GRAMD1B: variants seen among roughly 807,000 people sequenced by gnomAD.
The protein encoded by GRAMD1B is protein Aster-B.
Under a neutral mutation model 99.7 loss-of-function variants are expected in GRAMD1B, and 37 were observed. That is an observed-to-expected ratio of 0.37 (90% CI 0.29 to 0.49). GRAMD1B has a LOEUF of 0.49. Ranked by LOEUF, GRAMD1B falls within the 20% of genes least tolerant of loss-of-function variation. GRAMD1B has a pLI of 0.98. For missense variants in GRAMD1B, 888 were observed against 1,009.2 expected (o/e 0.88, Z 1.63); for synonymous variants, 427 against 387.6 (o/e 1.10, Z -1.19).
chr11:123,448,851 G>T (rs1202283008), intron 1 of GRAMD1B, among the ~76,000 whole-genome samples: 1 of 152,166 alleles, frequency 6.6e-6, no homozygotes, highest in Non-Finnish European at 1.5e-5. Context: ...GCTCTCACGT[G>T]TATTACACAA....
At position 123,609,678 on chromosome 11, in the gene GRAMD1B, C is replaced by CT. The variant is rs928277685; in HGVS notation, c.1658-113dup. ...CGGCCCTCGGGCTCCCATTGGCTTC[C>CT]TTTTGGGGGCCAGGCAGTAGTAAGC... is the stretch of plus-strand genomic sequence containing the variant. On this transcript the variant is annotated intron_variant, in intron 12 of 19. Transcript: ENST00000635736. The CT allele has an allele frequency of 2.5e-5, 16 of 644,816 alleles. No individual in the cohort carries two copies. In the African/African-American group the frequency reaches 2.9e-4, roughly 12 times the overall value. 39.9% of individuals were successfully genotyped at this position (644,816 alleles called of 1,614,324 possible).
chr11:123,497,421 C>T (rs1939409223), intron 2 of GRAMD1B, among the ~76,000 whole-genome samples: 1 of 152,180 alleles, frequency 6.6e-6, no homozygotes, highest in South Asian at 2.1e-4. Context: ...CATGACCTGG[C>T]TACCATGTAA....
intron 2 of GRAMD1B, among the ~76,000 whole-genome samples, chr11:123,505,195 A>G (rs867224149): frequency 3.7e-5 from 2 of 54,040 alleles, no homozygotes; most frequent in African/African-American, 1.3e-4. Flanking sequence ...TTTAAAAAAT[A>G]TATTAATTTT....
chr11:123,446,933 A>G (rs1454413615), intron 1 of GRAMD1B, among the ~76,000 whole-genome samples: 1 of 151,988 alleles, frequency 6.6e-6, no homozygotes, highest in African/African-American at 2.4e-5. Context: ...AAAGAAAGGA[A>G]AGAAAGAAAA....
chr11:123,614,810 A>G lies in GRAMD1B; in HGVS notation c.2293A>G (p.Lys765Glu). 3 of 1,610,592 alleles carry G rather than the reference A, an allele frequency of 1.9e-6. No individual in the cohort carries two copies. Among genetic ancestry groups the G allele is most frequent in the Non-Finnish European group, 2.5e-6 (3 of 1,176,968 alleles). Reference protein sequence around the residue: ...PNGFHLQSVSKLLLVISCVLV... With the variant: ...PNGFHLQSVSELLLVISCVLV... ...CGGTTTCCACCTGCAGAGCGTGTCC[A>G]AGCTGCTGCTGGTTATCAGCTGTGT... The change falls in exon 17 of 20, where the codon AAG becomes GAG. Residue 765 changes from lysine to glutamate, a missense_variant. Around this residue, in one of 5 missense-constraint regions of GRAMD1B, gnomAD observed 232 missense variants for 261.7 expected, o/e 0.89. Coordinates refer to ENST00000635736, the MANE Select transcript of GRAMD1B (RefSeq NM_001387025.1).
chr11:123,595,025 C>CCCCT, intron 6 of GRAMD1B, among the ~76,000 whole-genome samples, 187 bp downstream of exon 6: 1 of 152,168 alleles, frequency 6.6e-6, no homozygotes, highest in Non-Finnish European at 1.5e-5. Flanking sequence ...GCCATGTCTT[C>CCCCT]CCCTCCCTCC....
chr11:123,399,449 C>T (rs766469091), intron 1 of GRAMD1B, among the ~76,000 whole-genome samples: 3 of 152,074 alleles, frequency 2.0e-5, no homozygotes, highest in Middle Eastern at 3.2e-3. Context: ...GATAAATACC[C>T]GGAAGTGGGA....
At chr11:123,375,717 A>G (rs1219593951) in intron 1 of GRAMD1B, among the ~76,000 whole-genome samples, 2 of 152,198 alleles carry the variant, frequency 1.3e-5, no homozygotes, top group Non-Finnish European at 2.9e-5. Flanking sequence ...TAAGAAACAC[A>G]TTTCACACCA....
chr11:123,408,470 A>G (rs1055735216), intron 1 of GRAMD1B, among the ~76,000 whole-genome samples: 5 of 152,236 alleles, frequency 3.3e-5, no homozygotes, highest in African/African-American at 9.6e-5. Context: ...TAATTGCCCA[A>G]CCAAAGGATC....
At chr11:123,620,195 C>T (rs1275078) in intron 19 of GRAMD1B, among the ~76,000 whole-genome samples, 76,758 of 151,984 alleles carry the variant, frequency 0.51, 19,736 homozygotes, top group East Asian at 0.8. Context: ...AAAAAGAGGC[C>T]GGGTGTGGTG....
At chr11:123,392,069 A>T (rs1468016526) in intron 1 of GRAMD1B, among the ~76,000 whole-genome samples, 1 of 152,168 alleles carries the variant, frequency 6.6e-6, no homozygotes, top group Non-Finnish European at 1.5e-5. Context: ...TGGACCATTC[A>T]TGGATCCTGG....
chr11:123,525,958 G>A, intron 2 of GRAMD1B: 1 of 599,316 alleles, frequency 1.7e-6, no homozygotes, highest in South Asian at 2.1e-5. Flanking sequence ...GGGAGAGGGG[G>A]AAGAAGGGGC....
chr11:123,543,692 G>A (rs1944768836), intron 2 of GRAMD1B, among the ~76,000 whole-genome samples: 1 of 152,208 alleles, frequency 6.6e-6, no homozygotes, highest in African/African-American at 2.4e-5. Context: ...TAAGGTAGAA[G>A]GTCAAGAAAT....
chr11:123,438,916 C>T (rs1205056803), intron 1 of GRAMD1B, among the ~76,000 whole-genome samples: 3 of 152,218 alleles, frequency 2.0e-5, no homozygotes, highest in African/African-American at 7.2e-5. Flanking sequence ...GGCCCTGAAG[C>T]AGGTGTTTAG....
intron 14 of GRAMD1B, among the ~76,000 whole-genome samples, chr11:123,611,444 G>A (rs1345222084): frequency 6.6e-6 from 1 of 152,036 alleles, no homozygotes; most frequent in Admixed American, 6.5e-5. Context: ...TTAAAAAAGA[G>A]GGCCTGCATC....
At chr11:123,564,733 T>C (rs562550324) in intron 2 of GRAMD1B, among the ~76,000 whole-genome samples, 2 of 152,332 alleles carry the variant, frequency 1.3e-5, no homozygotes, top group East Asian at 3.9e-4. Flanking sequence ...CTTTTGGTTT[T>C]AGTAGCAGCA....
intron 3 of GRAMD1B, among the ~76,000 whole-genome samples, chr11:123,583,193 T>C (rs1031599395): frequency 6.6e-6 from 1 of 151,734 alleles, no homozygotes; most frequent in African/African-American, 2.4e-5. Context: ...TTTGTGTATA[T>C]GTGTGTGTAC....
intron 1 of GRAMD1B, among the ~76,000 whole-genome samples, chr11:123,434,186 C>T (rs750869369): frequency 4.2e-5 from 6 of 144,150 alleles, no homozygotes; most frequent in Non-Finnish European, 4.5e-5. Context: ...GCCGAGATCT[C>T]GCCACTGCAC....
intron 1 of GRAMD1B, among the ~76,000 whole-genome samples, chr11:123,399,122 C>G (rs1016758051): frequency 1.3e-5 from 2 of 152,218 alleles, no homozygotes; most frequent in African/African-American, 4.8e-5. Context: ...AAACAACATT[C>G]TATTCTCTGT....
Sources: gnomAD v4.1 joint callset for allele counts (sites outside exome capture counted in the v4.1 genomes callset) on GRCh38, gnomAD v4.1.1 for gene constraint, gnomAD v4.1.1 regional missense constraint, MANE v1.5 for transcripts, NCBI Gene and HGNC (gene_info 2026-07-23, HGNC 2026-07-21) for gene names.